PLD5: variants seen among roughly 807,000 people sequenced by gnomAD.
The protein encoded by PLD5 is inactive phospholipase D5.
Under a neutral mutation model 61.1 loss-of-function variants are expected in PLD5, and 36 were observed. That is an observed-to-expected ratio of 0.59 (90% CI 0.45 to 0.78). The LOEUF (loss-of-function observed/expected upper bound fraction) is 0.78, where lower values mean the gene tolerates loss of function less well. Ranked by LOEUF, PLD5 falls within the 30% of genes least tolerant of loss-of-function variation. The probability of loss-of-function intolerance (pLI) is 0.00; values close to 1 mark genes in which losing one functional copy is unlikely to be tolerated. For synonymous variants in PLD5, 243 were observed against 242.8 expected, an observed-to-expected ratio of 1.00 and a Z score of -0.01; for missense variants, 515 against 644.4, an observed-to-expected ratio of 0.80 and a Z score of 2.17.
intron 1 of PLD5, among the ~76,000 whole-genome samples, chr1:242,496,514 C>A (rs1398851550): frequency 1.3e-5 from 2 of 152,198 alleles, no homozygotes; most frequent in Non-Finnish European, 2.9e-5. Flanking sequence ...AAAAGCATTT[C>A]TGGATAGATT....
intron 1 of PLD5, among the ~76,000 whole-genome samples, chr1:242,457,409 G>A (rs754458141): frequency 6.6e-6 from 1 of 152,074 alleles, no homozygotes; most frequent in Non-Finnish European, 1.5e-5. Flanking sequence ...TACTGCTGCC[G>A]AAAAACATTT....
intron 6 of PLD5, among the ~76,000 whole-genome samples, chr1:242,123,862 G>A (rs1240827481): frequency 6.6e-6 from 1 of 152,170 alleles, no homozygotes; most frequent in African/African-American, 2.4e-5. Context: ...GGACTGGGAA[G>A]GTGAGGGTGG....
chr1:242,457,234 C>T (rs149786057), intron 1 of PLD5, among the ~76,000 whole-genome samples: 290 of 152,242 alleles, frequency 1.9e-3, no homozygotes, highest in Middle Eastern at 0.01. Context: ...ACTGGTATTC[C>T]TTAGAGCCCA....
chr1:242,349,517 C>T (rs1660353293), intron 1 of PLD5, among the ~76,000 whole-genome samples: 1 of 152,150 alleles, frequency 6.6e-6, no homozygotes, highest in African/African-American at 2.4e-5. Flanking sequence ...TGTTATTTAA[C>T]TGACATTGTT....
In PLD5 at chr1:242,461,661, C is replaced by T. The variant is rs79539306; in HGVS notation, c.189+62427G>A. ...CTCTGTTTTAAGCTCTTTGAGAAAT[C>T]GCCAGGCTGCTTCCCACGGTGGCTG... is the stretch of plus-strand genomic sequence containing the variant. On this transcript the variant is annotated intron_variant, in intron 1 of 9. Transcript: ENST00000536534. 1.6e-3 allele frequency among the ~76,000 whole-genome samples: 241 copies of T among 152,262 alleles called. 4 individuals carry two copies. In the East Asian group the frequency reaches 0.035, roughly 22 times the overall value.
intron 5 of PLD5, among the ~76,000 whole-genome samples, chr1:242,179,135 G>A (rs908099732): frequency 2.6e-5 from 4 of 152,178 alleles, no homozygotes; most frequent in Non-Finnish European, 5.9e-5. Context: ...TGGCATGAGT[G>A]GGGCAATTAC....
At chr1:242,110,047 A>G (rs137887687) in intron 7 of PLD5, among the ~76,000 whole-genome samples, 308 of 147,462 alleles carry the variant, frequency 2.1e-3, no homozygotes, top group African/African-American at 7.3e-3. Flanking sequence ...ATTATTATAT[A>G]TAATATAGAT....
At chr1:242,262,174 G>T (rs1032730875) in intron 4 of PLD5, among the ~76,000 whole-genome samples, 1 of 152,114 alleles carries the variant, frequency 6.6e-6, no homozygotes, top group African/African-American at 2.4e-5. Context: ...ACATGTATTG[G>T]TCTTATAAAC....
chr1:242,414,700 A>G (rs749694387), intron 1 of PLD5, among the ~76,000 whole-genome samples: 1 of 152,234 alleles, frequency 6.6e-6, no homozygotes, highest in Non-Finnish European at 1.5e-5. Context: ...AATGTGTGTG[A>G]ATCACTTTAT....
At chr1:242,268,222 A>C (rs974601636) in intron 3 of PLD5, among the ~76,000 whole-genome samples, 2 of 152,172 alleles carry the variant, frequency 1.3e-5, no homozygotes, top group Non-Finnish European at 2.9e-5. Flanking sequence ...TGCATGGCCC[A>C]GATTTCCCGA....
chr1:242,468,024 C>T (rs1667329260), intron 1 of PLD5, among the ~76,000 whole-genome samples: 1 of 152,108 alleles, frequency 6.6e-6, no homozygotes. Flanking sequence ...CACTCATTTC[C>T]TTCTCAAACA....
At chr1:242,337,446 C>T (rs1218254165) in intron 2 of PLD5, among the ~76,000 whole-genome samples, 2 of 151,950 alleles carry the variant, frequency 1.3e-5, no homozygotes, top group African/African-American at 4.8e-5. Flanking sequence ...GCCTGGCCAA[C>T]GTGGTGAAAC....
rs1558233108 is a variant in PLD5, at chr1:242,112,339, G to GATAGATAGATAGATAGA, written c.1070+1550_1070+1551insTCTATCTATCTATCTAT. On this transcript the variant is annotated intron_variant, in intron 7 of 9. Transcript: ENST00000536534. Reference sequence around the variant, plus strand: ...TGTGTGTGTGTATGTATGTATATGTGTATATATATATATAGATGGAGTCTC... The same window carrying GATAGATAGATAGATAGA: ...TGTGTGTGTGTATGTATGTATATGTGATAGATAGATAGATAGATATATATATATATAGATGGAGTCTC... Among the ~76,000 whole-genome samples the GATAGATAGATAGATAGA allele has an allele frequency of 3.3e-3, 477 of 143,420 alleles. 6 individuals are homozygous for GATAGATAGATAGATAGA. The highest frequency in any genetic ancestry group is 0.014 in the South Asian group (61 of 4,244). The allele number at this position is 143,420 out of a possible 152,430, so 94.1% of individuals were successfully genotyped here.
chr1:242,429,857 C>T (rs1469627745), intron 1 of PLD5, among the ~76,000 whole-genome samples: 5 of 152,116 alleles, frequency 3.3e-5, no homozygotes, highest in South Asian at 2.1e-4. Context: ...CAATAAGAAA[C>T]GAAAATATCT....
intron 6 of PLD5, among the ~76,000 whole-genome samples, chr1:242,115,009 T>C (rs1463036900): frequency 6.6e-6 from 1 of 151,954 alleles, no homozygotes; most frequent in Admixed American, 6.6e-5. Context: ...AAACCCCGTC[T>C]CTACTAAAAA....
At chr1:242,509,095 G>A (rs941498509) in intron 1 of PLD5, among the ~76,000 whole-genome samples, 19 of 146,940 alleles carry the variant, frequency 1.3e-4, no homozygotes, top group African/African-American at 4.6e-4. Flanking sequence ...TAAATAAATA[G>A]GCTGGGAGTG....
chr1:242,292,684 A>G (rs1406250003), intron 2 of PLD5, among the ~76,000 whole-genome samples: 1 of 152,166 alleles, frequency 6.6e-6, no homozygotes, highest in Non-Finnish European at 1.5e-5. Flanking sequence ...ATAGGCAACA[A>G]ACCATAAGAA....
intron 5 of PLD5, among the ~76,000 whole-genome samples, chr1:242,215,857 T>C (rs1254265281): frequency 6.6e-6 from 1 of 152,188 alleles, no homozygotes; most frequent in Admixed American, 6.5e-5. Flanking sequence ...CCTTACTATG[T>C]TTTATTAATC....
At chr1:242,470,116 C>A (rs1400037354) in intron 1 of PLD5, among the ~76,000 whole-genome samples, 1 of 152,036 alleles carries the variant, frequency 6.6e-6, no homozygotes, top group East Asian at 1.9e-4. Flanking sequence ...CGGAGGCGGG[C>A]GGATCACGAG....
Sources: gnomAD v4.1 joint callset for allele counts (sites outside exome capture counted in the v4.1 genomes callset) on GRCh38, gnomAD v4.1.1 for gene constraint, MANE v1.5 for transcripts, NCBI Gene and HGNC (gene_info 2026-07-23, HGNC 2026-07-21) for gene names.